The following FARP2 variants were observed in gnomAD, a reference collection of about 807,000 sequenced individuals.
FARP2 encodes FERM, ARHGEF and pleckstrin domain-containing protein 2.
A neutral mutation model predicts 130.5 loss-of-function variants in FARP2; 111 were observed. The observed-to-expected ratio is 0.85, with a 90% CI of 0.73 to 1.00. The LOEUF (loss-of-function observed/expected upper bound fraction) is 1.00, where lower values mean the gene tolerates loss of function less well. Ranked by LOEUF, FARP2 falls within the 50% of genes least tolerant of loss-of-function variation. FARP2 has a pLI of 0.00. For synonymous variants in FARP2, 504 were observed against 516.9 expected, an observed-to-expected ratio of 0.98 and a Z score of 0.34; for missense variants, 1,385 against 1,346.3, an observed-to-expected ratio of 1.03 and a Z score of -0.45.
intron 14 of FARP2, among the ~76,000 whole-genome samples, chr2:241,457,487 AGGCTCTTGGGCGGGAGACC>A (rs2063887078): frequency 4.7e-5 from 6 of 127,228 alleles, no homozygotes; most frequent in Middle Eastern, 4.5e-3. Flanking sequence ...GGTTCCGGAG[AGGCTCTTGGGCGGGAGACC>A]CAGTGTAGAA....
At chr2:241,380,026 T>TA (rs2061624117) in intron 2 of FARP2, among the ~76,000 whole-genome samples, 1 of 152,168 alleles carries the variant, frequency 6.6e-6, no homozygotes, top group Non-Finnish European at 1.5e-5. Flanking sequence ...CTAACACACA[T>TA]ACACAAGCAA....
At chr2:241,461,381 C>A (rs2064013077) in intron 14 of FARP2, among the ~76,000 whole-genome samples, 1 of 152,164 alleles carries the variant, frequency 6.6e-6, no homozygotes, top group Non-Finnish European at 1.5e-5. Flanking sequence ...AAGTGTGTCA[C>A]AGCACATTCA....
At chr2:241,449,500 A>G (rs1215892100) in intron 13 of FARP2, among the ~76,000 whole-genome samples, 5 of 147,684 alleles carry the variant, frequency 3.4e-5, no homozygotes, top group African/African-American at 9.8e-5. Context: ...ATTTAAAAGT[A>G]TGAAATAAAA....
intron 2 of FARP2, among the ~76,000 whole-genome samples, chr2:241,389,427 A>G (rs2061857743): frequency 6.6e-6 from 1 of 152,256 alleles, no homozygotes; most frequent in Admixed American, 6.5e-5. Flanking sequence ...AGCCTTATAC[A>G]TCACCAGAAA....
chr2:241,384,075 T>TC (rs771708059), intron 2 of FARP2, among the ~76,000 whole-genome samples: 59 of 150,988 alleles, frequency 3.9e-4, no homozygotes, highest in Admixed American at 9.9e-4. Flanking sequence ...GTCAGAGATA[T>TC]TCTGACACTT....
intron 13 of FARP2, chr2:241,456,389 C>T (rs1377604038): frequency 5.6e-6 from 1 of 177,516 alleles, no homozygotes; most frequent in Non-Finnish European, 1.2e-5. Flanking sequence ...CTGGTGGTGC[C>T]TTTTGCTTTA....
rs34119495 is a variant in FARP2, at chr2:241,494,808, A to G, written c.*683A>G. 4 of 152,170 alleles carry G rather than the reference A, an allele frequency of 2.6e-5. No individual in the cohort carries two copies. The highest frequency in any genetic ancestry group is 1.3e-4 in the Admixed American group (2 of 15,272). 9.4% of individuals were successfully genotyped at this position (152,170 alleles called of 1,614,324 possible). A position where few individuals can be genotyped will look rare whatever the true frequency, so the allele number is the denominator to read the frequency against. On this transcript the variant is annotated 3_prime_UTR_variant, in exon 27 of 27. Coordinates refer to ENST00000264042, the MANE Select transcript of FARP2 (RefSeq NM_014808.4). This position sits in a 1 kb window ranked among gnomAD's most constrained non-coding sequence, Gnocchi z 4.9. ...ATGGGCGACTGCTTTGTTCACACACATTTGATTAAAAATAAACAAACAGCA... is the reference window on the plus strand; with the variant it reads ...ATGGGCGACTGCTTTGTTCACACACGTTTGATTAAAAATAAACAAACAGCA...
intron 2 of FARP2, among the ~76,000 whole-genome samples, chr2:241,390,027 A>G (rs2061870695): frequency 6.6e-6 from 1 of 152,156 alleles, no homozygotes; most frequent in African/African-American, 2.4e-5. Flanking sequence ...CCTGCTACCC[A>G]GGTCTCTTCC....
At chr2:241,468,083 C>A in intron 17 of FARP2, 57 bp from the exon 18 acceptor site, 3 of 1,166,480 alleles carry the variant, frequency 2.6e-6, no homozygotes, top group Non-Finnish European at 2.6e-6. Context: ...ACAGGCCAGT[C>A]TCCCCCTGGA....
At chr2:241,444,139 T>C (rs572350589) in intron 13 of FARP2, 181 of 151,862 alleles carry the variant, frequency 1.2e-3, no homozygotes, top group African/African-American at 4.2e-3. Flanking sequence ...TGTTATTCAT[T>C]CTGTCCCTGG....
chr2:241,380,024 C>A (rs927918228), intron 2 of FARP2, among the ~76,000 whole-genome samples: 1 of 152,164 alleles, frequency 6.6e-6, no homozygotes, highest in Non-Finnish European at 1.5e-5. Context: ...CCCTAACACA[C>A]ATACACAAGC....
intron 5 of FARP2, among the ~76,000 whole-genome samples, chr2:241,408,489 G>A (rs1049498267): frequency 6.6e-6 from 1 of 151,434 alleles, no homozygotes; most frequent in South Asian, 2.1e-4. Context: ...GTTGCAGTGA[G>A]CCGAGATTGG....
At chr2:241,439,794 T>C (rs926477252) in intron 12 of FARP2, among the ~76,000 whole-genome samples, 7 of 151,792 alleles carry the variant, frequency 4.6e-5, no homozygotes, top group Non-Finnish European at 8.8e-5. Context: ...AAACCCCAGG[T>C]TTAATAAAAT....
At chr2:241,464,389 G>C (rs1295072246) in intron 17 of FARP2, among the ~76,000 whole-genome samples, 1 of 149,822 alleles carries the variant, frequency 6.7e-6, no homozygotes, top group Non-Finnish European at 1.5e-5. Context: ...CCTCAGAGCA[G>C]GGTCCCCTTA....
chr2:241,486,978 C>T lies in FARP2; in HGVS notation c.2421+2647C>T, dbSNP rs542260787. ...CCCATCATTTCACTTTGCATCCCTGCGGACTGTCGGTGAGGCCAGCCTGGC... is the reference window on the plus strand; with the variant it reads ...CCCATCATTTCACTTTGCATCCCTGTGGACTGTCGGTGAGGCCAGCCTGGC... On this transcript the variant is annotated intron_variant, in intron 21 of 26. Coordinates refer to ENST00000264042, the MANE Select transcript of FARP2 (RefSeq NM_014808.4). Among the ~76,000 whole-genome samples the T allele has an allele frequency of 2.7e-4, 41 of 151,638 alleles. 1 individual carries two copies. The highest frequency in any genetic ancestry group is 8.7e-4 in the African/African-American group (36 of 41,410).
rs1381581517 is a variant in FARP2 at position 241,437,676 on chromosome 2, T to TA, written c.1158+1138_1158+1139insA. Among the ~76,000 whole-genome samples the TA allele has an allele frequency of 3.2e-4, 48 of 148,292 alleles. 1 individual carries two copies. The highest frequency in any genetic ancestry group is 3.0e-3 in the South Asian group (14 of 4,708). Reference sequence around the variant, plus strand: ...TTTATTTATTTATTTATTTATTTTTTTTTTTTGAGACGGAGTCTTGCTCTG... The same window carrying TA: ...TTTATTTATTTATTTATTTATTTTTTATTTTTTGAGACGGAGTCTTGCTCTG... On this transcript the variant is annotated intron_variant, in intron 12 of 26. Coordinates refer to ENST00000264042, the MANE Select transcript of FARP2 (RefSeq NM_014808.4).
chr2:241,377,167 G>A (rs992416437), intron 2 of FARP2, among the ~76,000 whole-genome samples: 3 of 152,066 alleles, frequency 2.0e-5, no homozygotes, highest in African/African-American at 7.2e-5. Flanking sequence ...TTCTTCCAGG[G>A]AGATGTGCTG....
intron 2 of FARP2, among the ~76,000 whole-genome samples, chr2:241,396,289 C>T (rs1000408112): frequency 4.6e-5 from 7 of 152,196 alleles, no homozygotes; most frequent in Admixed American, 4.6e-4. Flanking sequence ...GACTTCATTT[C>T]TAAAACACCA....
rs919105738 is a variant in FARP2 at position 241,459,685 on chromosome 2, C to T, written c.1587+2763C>T. 9.2e-5 allele frequency among the ~76,000 whole-genome samples: 14 copies of T among 152,306 alleles called. No homozygotes were observed. The highest frequency in any genetic ancestry group is 3.4e-3 in the Middle Eastern group (1 of 294). On this transcript the variant is annotated intron_variant, in intron 14 of 26. Coordinates refer to ENST00000264042, the MANE Select transcript of FARP2 (RefSeq NM_014808.4). The surrounding 1 kb of genome is among the most constrained non-coding windows in gnomAD (Gnocchi z 5.3). ...CTCCTCTGGGCCTATCCCTGGCCGC[C>T]GTCTCATCCCTGGCCTGCAGCCCAG... is the stretch of plus-strand genomic sequence containing the variant.
Sources: allele counts gnomAD v4.1 joint callset (sites outside exome capture counted in the v4.1 genomes callset), GRCh38; gene constraint gnomAD v4.1.1; non-coding constraint Gnocchi (gnomAD v3.1); transcripts MANE v1.5; gene names NCBI Gene and HGNC (gene_info 2026-07-23, HGNC 2026-07-21).